Variants in IMPG1 observed in about 807,000 individuals in gnomAD.
The protein encoded by IMPG1 is interphotoreceptor matrix proteoglycan 1, also known as interphotoreceptor matrix proteoglycan of 150 kDa.
IMPG1 carries 85 observed loss-of-function variants against 92.0 expected under a neutral mutation model. The observed-to-expected ratio is 0.92, with a 90% CI of 0.78 to 1.11. The LOEUF is 1.11. Among genes scored for constraint, IMPG1 ranks in the 50% least tolerant of loss-of-function variants. IMPG1 has a pLI of 0.00. For missense variants in IMPG1, 1,022 were observed against 956.0 expected (o/e 1.07, Z -0.91); for synonymous variants, 367 against 334.1 (o/e 1.10, Z -1.08).
chr6:75,957,153 C>T (rs1428239471), intron 12 of IMPG1, among the ~76,000 whole-genome samples: 4 of 152,070 alleles, frequency 2.6e-5, no homozygotes, highest in African/African-American at 2.4e-5. Context: ...CTCCTGACCT[C>T]GTGATCCACT....
At chr6:76,063,034 C>T (rs1370957101) in intron 1 of IMPG1, among the ~76,000 whole-genome samples, 2 of 151,338 alleles carry the variant, frequency 1.3e-5, no homozygotes, top group African/African-American at 2.4e-5. Flanking sequence ...TGAAACCCTG[C>T]CTCTACTGAA....
intron 12 of IMPG1, among the ~76,000 whole-genome samples, chr6:75,955,444 G>T (rs1269869770): frequency 2.0e-5 from 3 of 152,156 alleles, no homozygotes; most frequent in Non-Finnish European, 4.4e-5. Context: ...AAATACTTGT[G>T]ATTTTTGCAC....
intron 12 of IMPG1, among the ~76,000 whole-genome samples, chr6:75,988,959 T>C (rs1782768816): frequency 6.6e-6 from 1 of 152,242 alleles, no homozygotes; most frequent in African/African-American, 2.4e-5. Flanking sequence ...CATCCAATGA[T>C]TGAAATAAAT....
intron 6 of IMPG1, among the ~76,000 whole-genome samples, chr6:76,021,271 C>G (rs1783419175): frequency 6.6e-6 from 1 of 152,170 alleles, no homozygotes; most frequent in Non-Finnish European, 1.5e-5. Context: ...TTCAAATTGT[C>G]TCGCCTTTCT....
In IMPG1 at chr6:76,018,852, CT is replaced by C. The variant is rs1562371894; in HGVS notation, c.672del (p.Glu225LysfsTer19). 1.7e-5 allele frequency: 26 copies of C among 1,571,640 alleles called. No homozygotes were observed. Among genetic ancestry groups the C allele is most frequent in the Non-Finnish European group, 2.1e-5 (24 of 1,162,582 alleles). ...LNDTKMPTTE[R>X]ETEFAVLEEQ... ...TCCTCCAACACAGCGAATTCTGTTT[CT>C]CTTTCCTGAGTTTAAAAAAAAAAAA... On this transcript the variant is annotated frameshift_variant, in exon 7 of 17. Transcript: ENST00000369950. LOFTEE classifies it high-confidence loss of function.
At chr6:75,954,123 T>C (rs1204004991) in intron 12 of IMPG1, among the ~76,000 whole-genome samples, 9 of 152,228 alleles carry the variant, frequency 5.9e-5, no homozygotes, top group South Asian at 4.1e-4. Context: ...TTTGGGTATA[T>C]ACCCAGTAAT....
intron 12 of IMPG1, among the ~76,000 whole-genome samples, chr6:75,965,510 C>CCCTATTTG (rs2149463405): frequency 6.6e-6 from 1 of 152,022 alleles, no homozygotes; most frequent in East Asian, 1.9e-4. Context: ...AAATGTCCCT[C>CCCTATTTG]CCTATTTGGT....
chr6:76,023,549 C>T (rs528212914), intron 5 of IMPG1, among the ~76,000 whole-genome samples: 1 of 152,290 alleles, frequency 6.6e-6, no homozygotes, highest in East Asian at 1.9e-4. Context: ...TCTCACTCTT[C>T]CTTCACACCT....
At chr6:75,950,440 G>A (rs1284896366) in intron 13 of IMPG1, 122 bp downstream of exon 13, 2 of 827,182 alleles carry the variant, frequency 2.4e-6, no homozygotes, top group Non-Finnish European at 3.6e-6. Flanking sequence ...TTCAGCAACA[G>A]CTGGCTTGGC....
intron 14 of IMPG1, 76 bp downstream of exon 14, chr6:75,947,238 C>G: frequency 8.7e-7 from 1 of 1,146,922 alleles, no homozygotes; most frequent in Non-Finnish European, 1.3e-6. Context: ...AAGATTGAAA[C>G]GTGTGCTTAA....
chr6:75,968,752 A>G (rs1340046905), intron 12 of IMPG1, among the ~76,000 whole-genome samples: 1 of 152,034 alleles, frequency 6.6e-6, no homozygotes, highest in African/African-American at 2.4e-5. Context: ...AGCATTATTT[A>G]TTGCTTTCTT....
chr6:76,048,049 A>G (rs1409309805), intron 1 of IMPG1, among the ~76,000 whole-genome samples: 1 of 152,200 alleles, frequency 6.6e-6, no homozygotes, highest in Non-Finnish European at 1.5e-5. Flanking sequence ...CCAATTAAAT[A>G]TGTGGAGATC....
At chr6:75,974,428 G>GCTTCCTTCCTTCCTTCCTTCCTTC (rs1224488663) in intron 12 of IMPG1, among the ~76,000 whole-genome samples, 1 of 96,314 alleles carries the variant, frequency 1.0e-5, no homozygotes, top group Non-Finnish European at 2.0e-5. Context: ...TTCCTTCCTT[G>GCTTCCTTCCTTCCTTCCTTCCTTC]CTTCCTTCCT....
chr6:76,015,048 C>T (rs770587014), intron 7 of IMPG1, among the ~76,000 whole-genome samples: 11 of 152,172 alleles, frequency 7.2e-5, no homozygotes, highest in Non-Finnish European at 1.5e-4. Flanking sequence ...ATACTAAATG[C>T]ACAGGGGCCT....
intron 12 of IMPG1, among the ~76,000 whole-genome samples, chr6:75,975,784 C>T (rs767220359): frequency 7.9e-5 from 12 of 152,124 alleles, no homozygotes; most frequent in Non-Finnish European, 1.0e-4. Flanking sequence ...GCTGTATAGA[C>T]CATGTGCTCT....
intron 7 of IMPG1, among the ~76,000 whole-genome samples, chr6:76,016,690 G>A (rs2149481610): frequency 6.6e-6 from 1 of 152,350 alleles, no homozygotes; most frequent in East Asian, 1.9e-4. Context: ...TGGCCATGCT[G>A]AGTAAGATTC....
In IMPG1 at chr6:75,924,696, A is replaced by ATATAT. The variant is rs1241036403; in HGVS notation, c.2244-991_2244-990insATATA. Reference sequence around the variant, plus strand: ...TATATATTATATATTATATATAAATAATTATATATAATATATAATATATAA... The same window carrying ATATAT: ...TATATATTATATATTATATATAAATATATATATTATATATAATATATAATATATAA... On this transcript the variant is annotated intron_variant, in intron 15 of 16. Transcript: ENST00000369950. 2.5e-4 allele frequency among the ~76,000 whole-genome samples: 2 copies of ATATAT among 7,856 alleles called. 1 individual carries two copies. Among genetic ancestry groups the ATATAT allele is most frequent in the Non-Finnish European group, 4.1e-4 (2 of 4,916 alleles). The allele number at this position is 7,856 out of a possible 152,430, so 5.2% of individuals were successfully genotyped here.
intron 1 of IMPG1, among the ~76,000 whole-genome samples, chr6:76,062,050 T>A (rs1784215741): frequency 6.6e-6 from 1 of 152,186 alleles, no homozygotes; most frequent in African/African-American, 2.4e-5. Context: ...ATATTCTGTA[T>A]CTAGCACAGT....
At chr6:76,034,467 G>T in intron 3 of IMPG1, 124 bp from the exon 4 acceptor site, 1 of 1,218,084 alleles carries the variant, frequency 8.2e-7, no homozygotes, top group Non-Finnish European at 1.2e-6. Flanking sequence ...ATATTATTTT[G>T]CAAGAATAAA....
Sources: allele counts gnomAD v4.1 joint callset (sites outside exome capture counted in the v4.1 genomes callset), GRCh38; gene constraint gnomAD v4.1.1; transcripts MANE v1.5; gene names NCBI Gene and HGNC (gene_info 2026-07-23, HGNC 2026-07-21).